Variants in CRYBB1 observed in about 807,000 individuals in gnomAD.
CRYBB1 encodes the protein beta-crystallin B1.
In CRYBB1, 16 loss-of-function variants were observed where a neutral mutation model predicts 29.5. The ratio of observed to expected loss-of-function variants is 0.54; its 90% confidence interval spans 0.37 to 0.82. CRYBB1 has a LOEUF of 0.82. Among genes scored for constraint, CRYBB1 ranks in the 40% least tolerant of loss-of-function variants. The pLI, the probability that CRYBB1 is intolerant of heterozygous loss-of-function variation, is 0.00. For missense variants in CRYBB1, 300 were observed against 350.5 expected (o/e 0.86, Z 1.15); for synonymous variants, 127 against 136.7 (o/e 0.93, Z 0.49).
intron 3 of CRYBB1, among the ~76,000 whole-genome samples, chr22:26,611,662 G>C (rs1176958492): frequency 6.6e-6 from 1 of 151,936 alleles, no homozygotes; most frequent in Non-Finnish European, 1.5e-5. Context: ...TTTTAGTAGA[G>C]ACGGGGTTTC....
At chr22:26,603,300 CAGGT>C (rs991686050) in intron 4 of CRYBB1, among the ~76,000 whole-genome samples, 4 of 151,112 alleles carry the variant, frequency 2.6e-5, no homozygotes, top group African/African-American at 9.7e-5. Flanking sequence ...GAGGCCGAGA[CAGGT>C]AGATCACCTG....
chr22:26,616,637 A>C (rs1215773257), intron 1 of CRYBB1, among the ~76,000 whole-genome samples: 1 of 152,050 alleles, frequency 6.6e-6, no homozygotes, highest in Non-Finnish European at 1.5e-5. Flanking sequence ...AATTTTCCAC[A>C]CTGCTTATCA....
chr22:26,611,959 C>T, intron 3 of CRYBB1, 113 bp downstream of exon 3: 2 of 789,224 alleles, frequency 2.5e-6, no homozygotes, highest in South Asian at 2.7e-5. Flanking sequence ...AATGTATGTG[C>T]CAGGAGTACG....
intron 4 of CRYBB1, among the ~76,000 whole-genome samples, chr22:26,603,779 C>T (rs570691253): frequency 6.7e-6 from 1 of 149,914 alleles, no homozygotes; most frequent in African/African-American, 2.5e-5. Flanking sequence ...TAATAATTAG[C>T]TGGGCGTGGT....
rs554373247 is a variant in CRYBB1, at chr22:26,601,045, C to T, written c.575+834G>A. Among the ~76,000 whole-genome samples the T allele has an allele frequency of 5.3e-5, 8 of 152,314 alleles. No individual in the cohort carries two copies. In the South Asian group the frequency reaches 1.7e-3, roughly 32 times the overall value. The stretch of plus-strand genomic sequence containing the variant: ...CCTAGCACAGTGCCTGGCTCACAGA[C>T]AAGGCTCCGTATATTTCAGATGGCT... On this transcript the variant is annotated intron_variant, in intron 5 of 5. Transcript: ENST00000647684.
intron 2 of CRYBB1, among the ~76,000 whole-genome samples, chr22:26,615,658 C>T (rs1241710272): frequency 1.3e-5 from 2 of 152,078 alleles, no homozygotes; most frequent in African/African-American, 2.4e-5. Context: ...GGATTACAGG[C>T]GCCCACCACT....
intron 3 of CRYBB1, among the ~76,000 whole-genome samples, chr22:26,611,696 G>A (rs369341421): frequency 3.9e-4 from 59 of 152,052 alleles, no homozygotes; most frequent in African/African-American, 1.3e-3. Context: ...GGATGGTCTC[G>A]ATCTCCTGAC....
chr22:26,600,597 C>T (rs569013851), intron 5 of CRYBB1, among the ~76,000 whole-genome samples: 2 of 152,296 alleles, frequency 1.3e-5, no homozygotes, highest in South Asian at 4.1e-4. Flanking sequence ...ATGCACCCAC[C>T]TCCTTGGTTT....
intron 3 of CRYBB1, among the ~76,000 whole-genome samples, chr22:26,611,792 T>C (rs932185744): frequency 2.0e-5 from 3 of 152,110 alleles, no homozygotes; most frequent in African/African-American, 7.2e-5. Context: ...GTTTTTGCTA[T>C]AGTAGAAGCA....
chr22:26,607,758 CT>C, intron 4 of CRYBB1, 130 bp downstream of exon 4: 2 of 1,250,844 alleles, frequency 1.6e-6, no homozygotes, highest in South Asian at 1.2e-5. Context: ...ATCCACGGTC[CT>C]TTGACAACTC....
intron 3 of CRYBB1, among the ~76,000 whole-genome samples, chr22:26,609,376 A>G (rs1338746748): frequency 6.6e-6 from 1 of 152,178 alleles, no homozygotes; most frequent in Non-Finnish European, 1.5e-5. Flanking sequence ...ATGGGAGAAT[A>G]GATGGATGGA....
intron 4 of CRYBB1, among the ~76,000 whole-genome samples, chr22:26,605,887 AG>A (rs1165387823): frequency 3.3e-5 from 5 of 152,132 alleles, no homozygotes; most frequent in Non-Finnish European, 7.4e-5. Context: ...GGACTGTGGC[AG>A]GGCAGAGAGA....
At chr22:26,616,787 G>A (rs1929370379) in intron 1 of CRYBB1, among the ~76,000 whole-genome samples, 1 of 152,198 alleles carries the variant, frequency 6.6e-6, no homozygotes, top group Admixed American at 6.5e-5. Flanking sequence ...CGATGGAGTA[G>A]CTGCTATCAT....
At chr22:26,602,120 C>CT (rs1569203979) in intron 4 of CRYBB1, 99 bp from the exon 5 acceptor site, 11 of 1,468,158 alleles carry the variant, frequency 7.5e-6, no homozygotes, top group Non-Finnish European at 8.4e-6. Flanking sequence ...AGAGATGAGC[C>CT]TGTTCAGGCT....
Position 26,609,906 on chromosome 22 carries a change from T to G in CRYBB1, c.300-1885A>C, listed in dbSNP as rs138713596. Among the ~76,000 whole-genome samples the G allele has an allele frequency of 2.0e-3, 307 of 152,124 alleles. 10 individuals are homozygous for G. In the East Asian group the frequency reaches 0.051, roughly 25 times the overall value. On this transcript the variant is annotated intron_variant, in intron 3 of 5. Coordinates refer to ENST00000647684, the MANE Select transcript of CRYBB1 (RefSeq NM_001887.4). ...TTGTTGCATCTACCTTGTTGGGAGATTATGAGGGCCTAAAAGAGGGAATGC... is the reference window on the plus strand; with the variant it reads ...TTGTTGCATCTACCTTGTTGGGAGAGTATGAGGGCCTAAAAGAGGGAATGC...
At chr22:26,617,054 G>A (rs754416202) in intron 1 of CRYBB1, among the ~76,000 whole-genome samples, 10 of 152,172 alleles carry the variant, frequency 6.6e-5, no homozygotes, top group Non-Finnish European at 8.8e-5. Context: ...TCCTTTCCCC[G>A]TCTGCTTCCT....
intron 4 of CRYBB1, among the ~76,000 whole-genome samples, chr22:26,604,010 A>C (rs989337958): frequency 6.6e-6 from 1 of 152,232 alleles, no homozygotes; most frequent in Admixed American, 6.5e-5. Flanking sequence ...TAATGCTTTC[A>C]TGACCCTGTA....
chr22:26,601,680 C>G (rs771075171), intron 5 of CRYBB1, among the ~76,000 whole-genome samples, 199 bp downstream of exon 5: 4 of 132,342 alleles, frequency 3.0e-5, no homozygotes, highest in Non-Finnish European at 6.5e-5. Context: ...TTACACTGAC[C>G]TGGAATTCCT....
chr22:26,602,429 AT>A (rs977349343), intron 4 of CRYBB1, among the ~76,000 whole-genome samples: 2 of 149,846 alleles, frequency 1.3e-5, no homozygotes, highest in Non-Finnish European at 3.0e-5. Flanking sequence ...CAAAAAAATA[AT>A]TTTTTTTTTA....
Sources: gnomAD v4.1 joint callset for allele counts (sites outside exome capture counted in the v4.1 genomes callset) on GRCh38, gnomAD v4.1.1 for gene constraint, MANE v1.5 for transcripts, NCBI Gene and HGNC (gene_info 2026-07-23, HGNC 2026-07-21) for gene names.